CARNMT1: variants seen among roughly 807,000 people sequenced by gnomAD.
The protein encoded by CARNMT1 is protein-L-histidine N-pros-methyltransferase CARNMT1.
A neutral mutation model predicts 49.6 loss-of-function variants in CARNMT1; 28 were observed. The observed-to-expected ratio is 0.56, with a 90% CI of 0.42 to 0.77. The LOEUF (loss-of-function observed/expected upper bound fraction) is 0.77, where lower values mean the gene tolerates loss of function less well. CARNMT1 is among the 30% of genes least tolerant of loss of function. The pLI is 0.00. For missense variants in CARNMT1, 421 were observed against 512.6 expected, an observed-to-expected ratio of 0.82 and a Z score of 1.73; for synonymous variants, 178 against 175.0, an observed-to-expected ratio of 1.02 and a Z score of -0.13.
chr9:75,027,131 G>T, intron 1 of CARNMT1: 1 of 1,303,540 alleles, frequency 7.7e-7, no homozygotes, highest in Non-Finnish European at 1.0e-6. Context: ...TCTCTTACGT[G>T]AATAAAAGTG....
rs1360288350 is a variant in CARNMT1 at position 75,028,276 on chromosome 9, C to T, written c.-35G>A. The T allele has an allele frequency of 7.4e-7, 1 of 1,345,340 alleles. No individual in the cohort carries two copies. 83.3% of individuals were successfully genotyped at this position (1,345,340 alleles called of 1,614,324 possible). Reference sequence around the variant, plus strand: ...GGCCCTCGGCCTGGCTCGCTTGCGTCTCTCCGCGACCGACAGCGTGGTGGC... The same window carrying T: ...GGCCCTCGGCCTGGCTCGCTTGCGTTTCTCCGCGACCGACAGCGTGGTGGC... On this transcript the variant is annotated 5_prime_UTR_variant, in exon 1 of 8. Coordinates refer to ENST00000376834, the MANE Select transcript of CARNMT1 (RefSeq NM_152420.3).
At position 75,028,006 on chromosome 9, in the gene CARNMT1, C is replaced by T. The variant is rs762529191; in HGVS notation, c.230+6G>A. The T allele has an allele frequency of 7.0e-6, 11 of 1,563,104 alleles. No individual in the cohort carries two copies. Among genetic ancestry groups the T allele is most frequent in the South Asian group, 3.5e-5 (3 of 86,022 alleles). On this transcript the variant is annotated splice_donor_region_variant and intron_variant, in intron 1 of 7. Transcript: ENST00000376834. ...TCTGGGCCGGGGTCCGCCACGGGCT[C>T]CTTACCCGTAGTAGCGGAAGGCATT...
At chr9:75,005,619 C>T (rs1459986224) in intron 3 of CARNMT1, among the ~76,000 whole-genome samples, 1 of 151,796 alleles carries the variant, frequency 6.6e-6, no homozygotes, top group East Asian at 1.9e-4. Context: ...ACTACAGGCA[C>T]CTGTCACCAC....
chr9:74,999,031 T>C (rs973858500), intron 4 of CARNMT1, among the ~76,000 whole-genome samples: 3 of 152,150 alleles, frequency 2.0e-5, no homozygotes, highest in Admixed American at 6.5e-5. Flanking sequence ...TTTTTAAAAA[T>C]GTATTTCTAA....
rs1019121693 is a variant in CARNMT1, at chr9:75,027,476, A to G, written c.230+536T>C. ...GCAGCATCATTCAATCGCTCACACA[A>G]AAGTGCAAGTGCGTTCACAGCGCCA... is the stretch of plus-strand genomic sequence containing the variant. On this transcript the variant is annotated intron_variant, in intron 1 of 7. Coordinates refer to ENST00000376834, the MANE Select transcript of CARNMT1 (RefSeq NM_152420.3). 10 of 985,282 alleles carry G rather than the reference A, an allele frequency of 1.0e-5. No individual in the cohort carries two copies. The African/African-American group carries it at 1.7e-4, about 17-fold the overall frequency. The allele number at this position is 985,282 out of a possible 1,614,324, so 61.0% of individuals were successfully genotyped here. A position where few individuals can be genotyped will look rare whatever the true frequency, so the allele number is the denominator to read the frequency against.
intron 1 of CARNMT1, among the ~76,000 whole-genome samples, chr9:75,020,729 A>C (rs1380684485): frequency 1.3e-5 from 2 of 152,078 alleles, no homozygotes; most frequent in Non-Finnish European, 2.9e-5. Flanking sequence ...AACAACCAAA[A>C]ACCTGGCTGG....
At chr9:74,986,340 C>G (rs1832837573) in intron 6 of CARNMT1, among the ~76,000 whole-genome samples, 1 of 152,106 alleles carries the variant, frequency 6.6e-6, no homozygotes, top group Non-Finnish European at 1.5e-5. Flanking sequence ...ACATAAACGA[C>G]TAGAAAAAAT....
At chr9:74,986,806 T>A (rs902372315) in intron 6 of CARNMT1, among the ~76,000 whole-genome samples, 1 of 152,226 alleles carries the variant, frequency 6.6e-6, no homozygotes, top group African/African-American at 2.4e-5. Context: ...TAACACTCAT[T>A]TAATGCTGTG....
intron 6 of CARNMT1, among the ~76,000 whole-genome samples, chr9:74,992,268 T>C (rs1453645934): frequency 6.7e-6 from 1 of 148,780 alleles, no homozygotes; most frequent in East Asian, 2.0e-4. Flanking sequence ...TGAGACTCCA[T>C]CTAAAAAAAA....
At chr9:74,984,294 C>T (rs887373747) in intron 7 of CARNMT1, among the ~76,000 whole-genome samples, 8 of 152,096 alleles carry the variant, frequency 5.3e-5, no homozygotes, top group Non-Finnish European at 8.8e-5. Context: ...ACCTGCCCTC[C>T]GACCCCCTTT....
At chr9:75,025,502 A>G (rs1473853454) in intron 1 of CARNMT1, among the ~76,000 whole-genome samples, 1 of 152,128 alleles carries the variant, frequency 6.6e-6, no homozygotes, top group Non-Finnish European at 1.5e-5. Context: ...TGTTTGTGTA[A>G]GTTTTGATAA....
chr9:74,991,823 C>G (rs1399463469), intron 6 of CARNMT1: 1 of 152,162 alleles, frequency 6.6e-6, no homozygotes, highest in East Asian at 1.9e-4. Flanking sequence ...CTATCTACCC[C>G]AACTTCTAAA....
At chr9:75,028,343 G>A, upstream of CARNMT1, 3 of 1,307,304 alleles carry the variant, frequency 2.3e-6, no homozygotes, top group South Asian at 6.9e-5. Flanking sequence ...CCGCGGACAT[G>A]CCCCCAGCTC....
At chr9:75,014,992 G>A (rs965101043) in intron 3 of CARNMT1, among the ~76,000 whole-genome samples, 2 of 152,114 alleles carry the variant, frequency 1.3e-5, no homozygotes, top group Non-Finnish European at 2.9e-5. Flanking sequence ...AGGAAAAGGA[G>A]CCTCTCTAAA....
In CARNMT1 at chr9:74,984,923, T is replaced by C; in HGVS notation, c.1112A>G (p.Tyr371Cys). The C allele has an allele frequency of 6.2e-7, 1 of 1,612,870 alleles. No individual in the cohort carries two copies. Among genetic ancestry groups the C allele is most frequent in the Non-Finnish European group, 8.5e-7 (1 of 1,179,050 alleles). ...YEDIKNVVLQ[Y>C]GFKVEVEKES... The stretch of plus-strand genomic sequence containing the variant: ...CATTCTTACCTCTACCTTGAATCCA[T>C]ACTGCAGAACAACGTTTTTTATATC... The change falls in exon 7 of 8, where the codon TAT becomes TGT. Residue 371 changes from tyrosine (Y) to cysteine (C), a missense_variant. Transcript: ENST00000376834.
At chr9:75,000,216 A>T (rs1833313563) in intron 3 of CARNMT1, among the ~76,000 whole-genome samples, 1 of 152,162 alleles carries the variant, frequency 6.6e-6, no homozygotes, top group Non-Finnish European at 1.5e-5. Context: ...CCAATTAAAT[A>T]TGAAGAGTTT....
chr9:74,994,475 A>C (rs1833127916), intron 6 of CARNMT1, among the ~76,000 whole-genome samples: 3 of 152,164 alleles, frequency 2.0e-5, no homozygotes, highest in Non-Finnish European at 4.4e-5. Flanking sequence ...CATGTTGCCC[A>C]GGCTGGTCTT....
At chr9:74,999,931 C>T (rs1833305736) in intron 3 of CARNMT1, 61 bp from the exon 4 acceptor site, 2 of 1,505,994 alleles carry the variant, frequency 1.3e-6, no homozygotes, top group South Asian at 2.5e-5. Flanking sequence ...AAGACAAAAT[C>T]CACATTAACA....
At chr9:75,012,438 C>T (rs969124298) in intron 3 of CARNMT1, among the ~76,000 whole-genome samples, 7 of 151,924 alleles carry the variant, frequency 4.6e-5, no homozygotes, top group Non-Finnish European at 1.0e-4. Context: ...AGGTGTGCAC[C>T]ACCATGCCCA....
Sources: gnomAD v4.1 joint callset for allele counts (sites outside exome capture counted in the v4.1 genomes callset) on GRCh38, gnomAD v4.1.1 for gene constraint, MANE v1.5 for transcripts, NCBI Gene and HGNC (gene_info 2026-07-23, HGNC 2026-07-21) for gene names.